The following RB1 variants were observed in gnomAD, a reference collection of about 807,000 sequenced individuals.
The protein encoded by RB1 is RB transcriptional corepressor 1.
RB1 carries 18 observed loss-of-function variants against 135.4 expected under a neutral mutation model. The ratio of observed to expected loss-of-function variants is 0.13; its 90% CI spans 0.09 to 0.20. The LOEUF is 0.20. Ranked by LOEUF, RB1 falls within the 10% of genes least tolerant of loss-of-function variation. RB1 has a pLI of 1.00. For missense variants in RB1, 868 were observed against 1,110.0 expected (o/e 0.78, Z 3.10); for synonymous variants, 365 against 373.2 (o/e 0.98, Z 0.25).
chr13:48,349,672 A>G (rs9535020), intron 6 of RB1, among the ~76,000 whole-genome samples: 16,482 of 152,072 alleles, frequency 0.11, 1,020 homozygotes, highest in Admixed American at 0.17. Context: ...ACAAAATGAC[A>G]TGAGTAAGTC....
At chr13:48,320,511 C>G in intron 2 of RB1, 1 of 592,358 alleles carries the variant, frequency 1.7e-6, no homozygotes, top group Non-Finnish European at 3.0e-6. Context: ...AGGGACGACG[C>G]TTTATTTCTC....
chr13:48,391,560 G>A (rs1385325831), intron 17 of RB1: 1 of 152,036 alleles, frequency 6.6e-6, no homozygotes, highest in East Asian at 1.9e-4. Flanking sequence ...TTCAAAACCA[G>A]CCTAGGCAAC....
intron 19 of RB1, among the ~76,000 whole-genome samples, chr13:48,457,630 C>A (rs1213224177): frequency 6.6e-6 from 1 of 152,230 alleles, no homozygotes; most frequent in Non-Finnish European, 1.5e-5. Context: ...GCCATCCATG[C>A]GTCAAGGGGC....
intron 17 of RB1, among the ~76,000 whole-genome samples, chr13:48,387,919 C>A (rs1302150652): frequency 6.6e-6 from 1 of 152,164 alleles, no homozygotes; most frequent in Admixed American, 6.5e-5. Flanking sequence ...TTGTCTTTCA[C>A]TCACACAACC....
chr13:48,359,393 A>G (rs551751738), intron 6 of RB1, among the ~76,000 whole-genome samples: 613 of 150,726 alleles, frequency 4.1e-3, no homozygotes, highest in African/African-American at 0.014. Context: ...TTAAAAATAT[A>G]TAAGGTTTAG....
At chr13:48,313,745 CT>C (rs56131979) in intron 2 of RB1, among the ~76,000 whole-genome samples, 1,688 of 101,848 alleles carry the variant, frequency 0.017, 14 homozygotes, top group African/African-American at 0.061. Context: ...TATGTTTATT[CT>C]TTTTTTTTTT....
intron 2 of RB1, among the ~76,000 whole-genome samples, chr13:48,315,791 A>C (rs889310226): frequency 6.6e-6 from 1 of 151,064 alleles, no homozygotes; most frequent in Non-Finnish European, 1.5e-5. Context: ...TGCAGTTGTG[A>C]ATTGTGCTGC....
intron 24 of RB1, chr13:48,476,453 G>A: frequency 2.2e-6 from 1 of 446,662 alleles, no homozygotes; most frequent in Non-Finnish European, 4.1e-6. Flanking sequence ...GCTGGAGGAA[G>A]AATGTGAGCT....
intron 2 of RB1, among the ~76,000 whole-genome samples, chr13:48,315,640 A>G (rs1952175028): frequency 6.6e-6 from 1 of 152,192 alleles, no homozygotes; most frequent in African/African-American, 2.4e-5. Flanking sequence ...CCTCTTAAGT[A>G]TGATGTTGGC....
intron 23 of RB1, among the ~76,000 whole-genome samples, chr13:48,465,925 T>C (rs1253156500): frequency 6.8e-6 from 1 of 147,458 alleles, no homozygotes; most frequent in Non-Finnish European, 1.5e-5. Context: ...GGAATCTCGC[T>C]GATTGCTAGC....
At chr13:48,333,567 T>A (rs1566183226) in intron 2 of RB1, among the ~76,000 whole-genome samples, 1 of 152,000 alleles carries the variant, frequency 6.6e-6, no homozygotes, top group Non-Finnish European at 1.5e-5. Context: ...GTCTGTAATG[T>A]CGTTCTTTGT....
Position 48,465,054 on chromosome 13 carries a change from T to C in RB1, c.2268T>C (p.Tyr756=), listed in dbSNP as rs2138344778. Residue 756 remains tyrosine, a synonymous_variant, in exon 22 of 27, where the codon TAT becomes TAC. Coordinates refer to ENST00000267163, the MANE Select transcript of RB1 (RefSeq NM_000321.3). ...AGTATGATTCTATTATAGTATTCTATAACTCGGTCTTCATGCAGAGACTGA... is the reference window on the plus strand; with the variant it reads ...AGTATGATTCTATTATAGTATTCTACAACTCGGTCTTCATGCAGAGACTGA... ...EEEYDSIIVF[Y]NSVFMQRLKT... 1.2e-6 allele frequency: 2 copies of C among 1,600,530 alleles called. No individual in the cohort carries two copies. Among genetic ancestry groups the C allele is most frequent in the Non-Finnish European group, 1.7e-6 (2 of 1,172,322 alleles).
At chr13:48,306,322 T>C (rs190761963) in intron 1 of RB1, among the ~76,000 whole-genome samples, 89 of 152,324 alleles carry the variant, frequency 5.8e-4, no homozygotes, top group Non-Finnish European at 1.2e-4. Flanking sequence ...GGAGGATCCC[T>C]TGAGCCCAGG....
chr13:48,464,639 G>A (rs1348442248), intron 21 of RB1, among the ~76,000 whole-genome samples: 2 of 152,066 alleles, frequency 1.3e-5, no homozygotes, highest in Admixed American at 6.6e-5. Flanking sequence ...ATTGGCTTTC[G>A]CTCAGCTCTG....
chr13:48,367,655 G>T (rs747287324), intron 10 of RB1, 52 bp downstream of exon 10: 4 of 1,565,726 alleles, frequency 2.6e-6, no homozygotes, highest in Non-Finnish European at 3.5e-6. Flanking sequence ...GGTTGATACT[G>T]ATATAGGTAG....
intron 17 of RB1, among the ~76,000 whole-genome samples, chr13:48,428,665 A>T (rs1342639248): frequency 6.6e-6 from 1 of 152,220 alleles, no homozygotes; most frequent in Non-Finnish European, 1.5e-5. Context: ...GATTTTAGAC[A>T]TTTTCATCCT....
chr13:48,453,779 G>A (rs138334972), intron 18 of RB1, among the ~76,000 whole-genome samples: 152 of 152,280 alleles, frequency 1.0e-3, no homozygotes, highest in African/African-American at 3.6e-3. Context: ...CATGTTGCAA[G>A]AGAAAAAGAG....
In RB1 at chr13:48,381,329, T is replaced by C; in HGVS notation, c.1581T>C (p.Asp527=). Residue 527 remains aspartate, a synonymous_variant, in exon 17 of 27, where the codon GAT becomes GAC. Coordinates refer to ENST00000267163, the MANE Select transcript of RB1 (RefSeq NM_000321.3). ...ILNVLNLKAF[D]FYKVIESFIK... Reference sequence around the variant, plus strand: ...ATGTGCTTAATTTAAAAGCCTTTGATTTTTACAAAGTGATCGAAAGTTTTA... The same window carrying C: ...ATGTGCTTAATTTAAAAGCCTTTGACTTTTACAAAGTGATCGAAAGTTTTA... The C allele has an allele frequency of 1.2e-6, 2 of 1,612,330 alleles. No homozygotes were observed. The highest frequency in any genetic ancestry group is 1.1e-5 in the South Asian group (1 of 90,666).
At chr13:48,312,357 T>C (rs560285992) in intron 2 of RB1, among the ~76,000 whole-genome samples, 80 of 152,310 alleles carry the variant, frequency 5.3e-4, no homozygotes, top group Non-Finnish European at 1.9e-4. Flanking sequence ...TATTTATATC[T>C]TTTCTCTCAT....
Sources: gnomAD v4.1 joint callset for allele counts (sites outside exome capture counted in the v4.1 genomes callset) on GRCh38, gnomAD v4.1.1 for gene constraint, MANE v1.5 for transcripts, NCBI Gene and HGNC (gene_info 2026-07-23, HGNC 2026-07-21) for gene names.